Variants in KDM2A observed in about 807,000 individuals in gnomAD.
KDM2A encodes the protein lysine demethylase 2A.
A neutral mutation model predicts 137.3 loss-of-function variants in KDM2A; 3 were observed. The observed-to-expected ratio is 0.02, with a 90% CI of 0.01 to 0.06. KDM2A has a LOEUF of 0.06. Ranked by LOEUF, KDM2A falls within the 10% of genes least tolerant of loss-of-function variation. KDM2A has a pLI of 1.00. For synonymous variants in KDM2A, 512 were observed against 541.5 expected (o/e 0.95, Z 0.76); for missense variants, 738 against 1,510.6 (o/e 0.49, Z 8.48).
chr11:67,123,570 T>C (rs1264762815), intron 2 of KDM2A, among the ~76,000 whole-genome samples: 1 of 152,156 alleles, frequency 6.6e-6, no homozygotes, highest in Non-Finnish European at 1.5e-5. Flanking sequence ...CAGGTAGTTA[T>C]TGCTATATGG....
intron 5 of KDM2A, among the ~76,000 whole-genome samples, chr11:67,198,155 G>A (rs1171759168): frequency 1.3e-5 from 2 of 152,120 alleles, no homozygotes; most frequent in Non-Finnish European, 2.9e-5. Context: ...TCATGTATAA[G>A]TGAACCCATG....
At chr11:67,151,114 T>C (rs1340969813) in intron 2 of KDM2A, among the ~76,000 whole-genome samples, 6 of 152,144 alleles carry the variant, frequency 3.9e-5, no homozygotes, top group African/African-American at 1.4e-4. Flanking sequence ...GTTTGACCAA[T>C]TATGCTGAAA....
intron 5 of KDM2A, among the ~76,000 whole-genome samples, chr11:67,198,066 A>G (rs757106115): frequency 2.6e-5 from 4 of 152,212 alleles, no homozygotes; most frequent in Non-Finnish European, 5.9e-5. Context: ...CTATCTTTTC[A>G]TCTTCATGAT....
intron 2 of KDM2A, among the ~76,000 whole-genome samples, chr11:67,151,174 ATT>A (rs887788123): frequency 1.3e-5 from 2 of 152,068 alleles, no homozygotes; most frequent in African/African-American, 4.8e-5. Flanking sequence ...ACATACATAT[ATT>A]GAATCACTCT....
At chr11:67,181,271 C>T (rs1305940510) in intron 3 of KDM2A, 49 bp from the exon 4 acceptor site, 10 of 1,233,084 alleles carry the variant, frequency 8.1e-6, no homozygotes, top group East Asian at 4.8e-5. Flanking sequence ...GTCCTTTTAT[C>T]GTTTTTAATT....
At chr11:67,190,757 T>A (rs565257670) in intron 5 of KDM2A, among the ~76,000 whole-genome samples, 34 of 147,498 alleles carry the variant, frequency 2.3e-4, no homozygotes, top group African/African-American at 7.4e-4. Context: ...CGAGACTCTT[T>A]AAAAAAAAAA....
intron 2 of KDM2A, among the ~76,000 whole-genome samples, chr11:67,175,042 A>C (rs556645337): frequency 1.3e-5 from 2 of 152,184 alleles, no homozygotes; most frequent in African/African-American, 4.8e-5. Flanking sequence ...TTATTTGGTA[A>C]TGTTGATGGG....
At chr11:67,132,554 T>TG (rs1855878165) in intron 2 of KDM2A, among the ~76,000 whole-genome samples, 1 of 152,176 alleles carries the variant, frequency 6.6e-6, no homozygotes, top group African/African-American at 2.4e-5. Context: ...CCCAAAGTAC[T>TG]GGGATTATAG....
At chr11:67,214,264 G>A (rs1464849967) in intron 6 of KDM2A, among the ~76,000 whole-genome samples, 5 of 142,394 alleles carry the variant, frequency 3.5e-5, no homozygotes. Context: ...GAGTGCAGTG[G>A]CGCAATCTCG....
At chr11:67,127,869 G>T (rs920152955) in intron 2 of KDM2A, among the ~76,000 whole-genome samples, 1 of 151,954 alleles carries the variant, frequency 6.6e-6, no homozygotes, top group African/African-American at 2.4e-5. Context: ...ACCATGCCCG[G>T]CTAATTTTGT....
Position 67,156,998 on chromosome 11 carries a change from C to T in KDM2A, c.43-23081C>T, listed in dbSNP as rs369792175. Among the ~76,000 whole-genome samples, 23 of 152,144 alleles carry T rather than the reference C, an allele frequency of 1.5e-4. 1 individual carries two copies. The highest frequency in any genetic ancestry group is 4.6e-4 in the African/African-American group (19 of 41,514). On this transcript the variant is annotated intron_variant, in intron 2 of 20. Coordinates refer to ENST00000529006, the MANE Select transcript of KDM2A (RefSeq NM_012308.3). ...TGGCCCACAAAATTTAAAATATTTA[C>T]CCTCTGGCCCCTTTCATTAAAAGCT... is the stretch of plus-strand genomic sequence containing the variant.
Position 67,145,993 on chromosome 11 carries a change from T to G in KDM2A, c.42+24635T>G, listed in dbSNP as rs926389952. Among the ~76,000 whole-genome samples, 8 of 150,238 alleles carry G rather than the reference T, an allele frequency of 5.3e-5. No homozygotes were observed. In the South Asian group the frequency reaches 1.2e-3, roughly 23 times the overall value. On this transcript the variant is annotated intron_variant, in intron 2 of 20. Transcript: ENST00000529006. ...TTCTTCCCGTTTTTTGTTTTGTTTT[T>G]TTTTGTTTTTTTTTTTTGAGACAGA...
In KDM2A at chr11:67,245,897, C is replaced by A; in HGVS notation, c.1834-88C>A. 1 of 1,486,492 alleles carries A rather than the reference C, an allele frequency of 6.7e-7. No homozygotes were observed. The highest frequency in any genetic ancestry group is 9.2e-7 in the Non-Finnish European group (1 of 1,082,806). The allele number at this position is 1,486,492 out of a possible 1,614,324, so 92.1% of individuals were successfully genotyped here. The stretch of plus-strand genomic sequence containing the variant: ...AGGTGTTTAGTAGAGAATTATAGGA[C>A]CCAAATCTCCCATCTTCAGTTTAAG... On this transcript the variant is annotated intron_variant, in intron 14 of 20. Coordinates refer to ENST00000529006, the MANE Select transcript of KDM2A (RefSeq NM_012308.3). The surrounding 1 kb of genome is among the most constrained non-coding windows in gnomAD (Gnocchi z 4.1).
chr11:67,223,321 T>C lies in KDM2A; in HGVS notation c.957+3918T>C, dbSNP rs191326650. On this transcript the variant is annotated intron_variant, in intron 10 of 20. Coordinates refer to ENST00000529006, the MANE Select transcript of KDM2A (RefSeq NM_012308.3). ...TCTCTTGGCTATAATTAATACAGTC[T>C]TATAAGTTACGAGTAAAAACTCAAA... Among the ~76,000 whole-genome samples the C allele has an allele frequency of 5.3e-5, 8 of 152,238 alleles. No individual in the cohort carries two copies. In the East Asian group the frequency reaches 1.5e-3, roughly 29 times the overall value.
chr11:67,241,664 C>G (rs921379327), intron 12 of KDM2A, among the ~76,000 whole-genome samples: 1 of 152,184 alleles, frequency 6.6e-6, no homozygotes, highest in East Asian at 1.9e-4. Context: ...AATCATGTAA[C>G]TTGTCTCCCA....
rs575165830 is a variant in KDM2A, at chr11:67,123,275, C to CTT, written c.42+1942_42+1943dup. 1.3e-3 allele frequency among the ~76,000 whole-genome samples: 90 copies of CTT among 71,490 alleles called. 7 individuals are homozygous for CTT. Among genetic ancestry groups the CTT allele is most frequent in the East Asian group, 4.1e-3 (9 of 2,212 alleles). The allele number at this position is 71,490 out of a possible 152,430, so 46.9% of individuals were successfully genotyped here. A position where few individuals can be genotyped will look rare whatever the true frequency, so the allele number is the denominator to read the frequency against. On this transcript the variant is annotated intron_variant, in intron 2 of 20. Transcript: ENST00000529006. ...AACAAGCGTGAGCCACAGTACCTGGCTTTTTTTTTTTTTTTTTTTTTTTTT... is the reference window on the plus strand; with the variant it reads ...AACAAGCGTGAGCCACAGTACCTGGCTTTTTTTTTTTTTTTTTTTTTTTTTTT...
chr11:67,147,309 G>A (rs918389773), intron 2 of KDM2A, among the ~76,000 whole-genome samples: 5 of 151,966 alleles, frequency 3.3e-5, no homozygotes, highest in African/African-American at 1.2e-4. Context: ...TTGGGAGGCC[G>A]AGGCGGGCCA....
intron 5 of KDM2A, among the ~76,000 whole-genome samples, chr11:67,191,612 C>T (rs1233557415): frequency 1.3e-5 from 2 of 152,122 alleles, no homozygotes; most frequent in Non-Finnish European, 2.9e-5. Context: ...TCAATTGACA[C>T]AGAGAAGGTA....
At position 67,191,042 on chromosome 11, in the gene KDM2A, A is replaced by G. The variant is rs527292314; in HGVS notation, c.307+9150A>G. Among the ~76,000 whole-genome samples the G allele has an allele frequency of 3.3e-5, 5 of 152,014 alleles. No homozygotes were observed. In the South Asian group the frequency reaches 1.0e-3, roughly 32 times the overall value. ...TTTTCCAAAGAATTTAAGAGGGAAC[A>G]CTTCTTTTTTTTCTTTTTTTGAGAT... On this transcript the variant is annotated intron_variant, in intron 5 of 20. Transcript: ENST00000529006.
Sources: gnomAD v4.1 joint callset for allele counts (sites outside exome capture counted in the v4.1 genomes callset) on GRCh38, gnomAD v4.1.1 for gene constraint, Gnocchi (gnomAD v3.1) non-coding constraint, MANE v1.5 for transcripts, NCBI Gene and HGNC (gene_info 2026-07-23, HGNC 2026-07-21) for gene names.